ZFPM2: variants seen among roughly 807,000 people sequenced by gnomAD.
ZFPM2 encodes the protein zinc finger protein, FOG family member 2, also known as zinc finger protein ZFPM2.
In ZFPM2, 20 loss-of-function variants were observed where a neutral mutation model predicts 98.6. The observed-to-expected ratio is 0.20, with a 90% CI of 0.14 to 0.29. The LOEUF (loss-of-function observed/expected upper bound fraction) is 0.29, where lower values mean the gene tolerates loss of function less well. Among genes scored for constraint, ZFPM2 ranks in the 10% least tolerant of loss-of-function variants. The pLI, the probability that ZFPM2 is intolerant of heterozygous loss-of-function variation, is 1.00. For missense variants in ZFPM2, 1,310 were observed against 1,388.6 expected, an observed-to-expected ratio of 0.94 and a Z score of 0.90; for synonymous variants, 518 against 502.7, an observed-to-expected ratio of 1.03 and a Z score of -0.41.
At chr8:105,365,599 C>T (rs1254725283) in intron 1 of ZFPM2, among the ~76,000 whole-genome samples, 4 of 152,086 alleles carry the variant, frequency 2.6e-5, no homozygotes, top group Non-Finnish European at 1.5e-5. Flanking sequence ...CAACAAGCAG[C>T]AGTTAGTTAG....
chr8:105,779,942 G>A (rs3779783), intron 5 of ZFPM2, among the ~76,000 whole-genome samples: 5 of 152,176 alleles, frequency 3.3e-5, no homozygotes, highest in East Asian at 1.9e-4. Flanking sequence ...TGTAGTACAC[G>A]TCACTGCGGT....
intron 4 of ZFPM2, among the ~76,000 whole-genome samples, chr8:105,587,671 G>A (rs1226655383): frequency 2.6e-5 from 4 of 152,208 alleles, no homozygotes; most frequent in East Asian, 1.9e-4. Context: ...AATAATAATG[G>A]CAGAATTCCA....
intron 5 of ZFPM2, among the ~76,000 whole-genome samples, chr8:105,714,477 G>T (rs1443441712): frequency 6.6e-6 from 1 of 151,734 alleles, no homozygotes. Flanking sequence ...TGATTGCTGG[G>T]CCAGTTTTTA....
chr8:105,549,594 CCTCTAT>C (rs1294950797), intron 3 of ZFPM2, among the ~76,000 whole-genome samples: 1 of 140,662 alleles, frequency 7.1e-6, no homozygotes, highest in African/African-American at 2.7e-5. Flanking sequence ...TTCTTTCCTT[CCTCTAT>C]CTCTCTCTCT....
chr8:105,680,808 GAAACCATATAATTACTATATT>G (rs1330314647), intron 5 of ZFPM2, among the ~76,000 whole-genome samples: 9 of 151,984 alleles, frequency 5.9e-5, no homozygotes, highest in Non-Finnish European at 1.2e-4. Flanking sequence ...AATGCTTCAT[GAAACCATATAATTACTATATT>G]CTTATAACAT....
At chr8:105,614,653 C>A (rs1168118265) in intron 4 of ZFPM2, among the ~76,000 whole-genome samples, 1 of 151,980 alleles carries the variant, frequency 6.6e-6, no homozygotes, top group Non-Finnish European at 1.5e-5. Flanking sequence ...AGCTGTTTGT[C>A]GAGTCTTATT....
chr8:105,686,374 C>T (rs1280764778), intron 5 of ZFPM2, among the ~76,000 whole-genome samples: 2 of 152,020 alleles, frequency 1.3e-5, no homozygotes, highest in East Asian at 1.9e-4. Flanking sequence ...AATGCTGCAT[C>T]TTCCAAAACT....
At chr8:105,582,172 A>T (rs1409417728) in intron 4 of ZFPM2, among the ~76,000 whole-genome samples, 1 of 152,212 alleles carries the variant, frequency 6.6e-6, no homozygotes, top group Admixed American at 6.5e-5. Context: ...AATTTTACTG[A>T]CCAATCCACC....
chr8:105,444,057 A>G (rs1812318394), intron 2 of ZFPM2, among the ~76,000 whole-genome samples: 1 of 152,224 alleles, frequency 6.6e-6, no homozygotes, highest in South Asian at 2.1e-4. Flanking sequence ...TTTTATGTTT[A>G]TAGTACTTAA....
intron 1 of ZFPM2, among the ~76,000 whole-genome samples, chr8:105,359,670 G>A (rs781149714): frequency 6.6e-5 from 10 of 152,032 alleles, no homozygotes; most frequent in East Asian, 1.9e-4. Flanking sequence ...CACCGCGCCC[G>A]GCCCCACTCT....
chr8:105,625,989 A>G (rs1298846337), intron 4 of ZFPM2, among the ~76,000 whole-genome samples: 1 of 151,496 alleles, frequency 6.6e-6, no homozygotes, highest in African/African-American at 2.4e-5. Context: ...AAAAAGAGAA[A>G]GAAAGAAAGA....
At chr8:105,354,329 C>G (rs1173406178) in intron 1 of ZFPM2, among the ~76,000 whole-genome samples, 1 of 152,196 alleles carries the variant, frequency 6.6e-6, no homozygotes, top group Non-Finnish European at 1.5e-5. Context: ...AAGATGCCCA[C>G]AAGCTAATCT....
chr8:105,581,811 A>AC (rs1237751606), intron 4 of ZFPM2, among the ~76,000 whole-genome samples: 12 of 152,218 alleles, frequency 7.9e-5, no homozygotes, highest in Non-Finnish European at 1.5e-4. Flanking sequence ...ATTTATTTAG[A>AC]CCCCCATCAG....
chr8:105,389,843 A>G (rs538051185), intron 1 of ZFPM2, among the ~76,000 whole-genome samples: 6 of 152,316 alleles, frequency 3.9e-5, no homozygotes, highest in East Asian at 1.9e-4. Flanking sequence ...AGATCCAGGA[A>G]AAAGGAAGCG....
At chr8:105,440,632 C>T (rs1586373641) in intron 2 of ZFPM2, among the ~76,000 whole-genome samples, 1 of 152,210 alleles carries the variant, frequency 6.6e-6, no homozygotes, top group South Asian at 2.1e-4. Flanking sequence ...TCTATGGGCT[C>T]ACCACAGTAG....
chr8:105,359,740 T>C (rs1812820986), intron 1 of ZFPM2, among the ~76,000 whole-genome samples: 4 of 152,174 alleles, frequency 2.6e-5, no homozygotes, highest in Non-Finnish European at 4.4e-5. Context: ...AATATTTCAA[T>C]TGAAAAAACT....
chr8:105,763,148 T>A (rs1170696704), intron 5 of ZFPM2, among the ~76,000 whole-genome samples: 4 of 151,140 alleles, frequency 2.6e-5, no homozygotes, highest in African/African-American at 7.3e-5. Context: ...ACAATTCTAA[T>A]AATTTGGGAC....
intron 5 of ZFPM2, among the ~76,000 whole-genome samples, chr8:105,698,714 C>T (rs1399539205): frequency 6.6e-6 from 1 of 152,054 alleles, no homozygotes; most frequent in Admixed American, 6.5e-5. Context: ...TAAAAATATA[C>T]ATTAGACAGT....
chr8:105,616,433 GT>G (rs1472669251), intron 4 of ZFPM2, among the ~76,000 whole-genome samples: 5 of 152,060 alleles, frequency 3.3e-5, no homozygotes, highest in Admixed American at 2.0e-4. Context: ...AGTCAAAGTA[GT>G]AATTTTTTTA....
Sources: gnomAD v4.1 joint callset for allele counts (sites outside exome capture counted in the v4.1 genomes callset) on GRCh38, gnomAD v4.1.1 for gene constraint, MANE v1.5 for transcripts, NCBI Gene and HGNC (gene_info 2026-07-23, HGNC 2026-07-21) for gene names.